The following WDR49 variants were observed in gnomAD, a reference collection of about 807,000 sequenced individuals.
WDR49 encodes the protein WD repeat domain 49.
Under a neutral mutation model 119.5 loss-of-function variants are expected in WDR49, and 107 were observed. The ratio of observed to expected loss-of-function variants is 0.90; its 90% confidence interval spans 0.77 to 1.05. WDR49 has a LOEUF of 1.05. WDR49 is among the 50% of genes least tolerant of loss of function. The pLI is 0.00. For synonymous variants in WDR49, 425 were observed against 418.8 expected (o/e 1.01, Z -0.18); for missense variants, 1,240 against 1,220.5 (o/e 1.02, Z -0.24).
At chr3:167,565,103 G>T (rs1342142008) in intron 8 of WDR49, among the ~76,000 whole-genome samples, 1 of 152,100 alleles carries the variant, frequency 6.6e-6, no homozygotes, top group East Asian at 1.9e-4. Context: ...ATAGGGAGGT[G>T]AAGAGAATGA....
chr3:167,601,900 A>G (rs1715788078), intron 7 of WDR49, among the ~76,000 whole-genome samples: 1 of 152,180 alleles, frequency 6.6e-6, no homozygotes, highest in Non-Finnish European at 1.5e-5. Context: ...CCCTGAGTAC[A>G]TGATTTGAAA....
At chr3:167,607,259 T>C (rs1716104573) in intron 5 of WDR49, among the ~76,000 whole-genome samples, 1 of 152,114 alleles carries the variant, frequency 6.6e-6, no homozygotes, top group African/African-American at 2.4e-5. Flanking sequence ...ATGACCTGGC[T>C]CAGGAAAGAA....
In WDR49 at chr3:167,488,145, A is replaced by AACACAC. The variant is rs57719248; in HGVS notation, c.3032-9155_3032-9150dup. ...GGATAAAGAAAATGTGATACACTCAAACACACACACACACACACACACACA... is the reference window on the plus strand; with the variant it reads ...GGATAAAGAAAATGTGATACACTCAAACACACACACACACACACACACACACACACA... On this transcript the variant is annotated intron_variant, in intron 18 of 18. Transcript: ENST00000682715. Among the ~76,000 whole-genome samples the AACACAC allele has an allele frequency of 2.5e-3, 339 of 136,274 alleles. 1 individual carries two copies. Among genetic ancestry groups the AACACAC allele is most frequent in the South Asian group, 0.016 (63 of 3,884 alleles). 89.4% of individuals were successfully genotyped at this position (136,274 alleles called of 152,430 possible). A position where few individuals can be genotyped will look rare whatever the true frequency, so the allele number is the denominator to read the frequency against.
chr3:167,585,058 T>C (rs1214397558), intron 7 of WDR49, among the ~76,000 whole-genome samples: 1 of 152,118 alleles, frequency 6.6e-6, no homozygotes, highest in Non-Finnish European at 1.5e-5. Flanking sequence ...TTTAAATATT[T>C]ATAATATTGA....
intron 9 of WDR49, among the ~76,000 whole-genome samples, chr3:167,559,774 A>G (rs567234070): frequency 6.6e-6 from 1 of 152,204 alleles, no homozygotes; most frequent in Admixed American, 6.5e-5. Context: ...GTATTCCCCA[A>G]AGTAGTCCCT....
At chr3:167,618,291 T>C (rs1449535563) in intron 5 of WDR49, among the ~76,000 whole-genome samples, 2 of 152,208 alleles carry the variant, frequency 1.3e-5, no homozygotes, top group African/African-American at 4.8e-5. Flanking sequence ...TAAGGTGACT[T>C]GTGTTAGTTT....
intron 2 of WDR49, among the ~76,000 whole-genome samples, chr3:167,636,706 C>T (rs1045041392): frequency 6.6e-6 from 1 of 151,764 alleles, no homozygotes; most frequent in African/African-American, 2.4e-5. Context: ...AAGGTGGTAT[C>T]ACATTGTGGT....
chr3:167,512,793 G>A (rs750542513), intron 16 of WDR49, among the ~76,000 whole-genome samples: 14 of 152,256 alleles, frequency 9.2e-5, no homozygotes, highest in Non-Finnish European at 1.9e-4. Context: ...AAAAACACAA[G>A]AGAACTTCAC....
chr3:167,551,591 C>T (rs1249681474), intron 10 of WDR49, among the ~76,000 whole-genome samples: 1 of 151,984 alleles, frequency 6.6e-6, no homozygotes. Context: ...GGCCTACTAA[C>T]TTTGTCACCT....
At chr3:167,622,215 C>T (rs754547912) in intron 3 of WDR49, among the ~76,000 whole-genome samples, 2 of 151,858 alleles carry the variant, frequency 1.3e-5, no homozygotes, top group Non-Finnish European at 2.9e-5. Context: ...GTGCAAACAA[C>T]TAAAGAAAAC....
chr3:167,524,545 C>T (rs1356196208), intron 15 of WDR49, among the ~76,000 whole-genome samples: 10 of 152,084 alleles, frequency 6.6e-5, no homozygotes, highest in Admixed American at 6.6e-4. Flanking sequence ...TTAGGTTTTA[C>T]ATTTAAGTCT....
intron 2 of WDR49, among the ~76,000 whole-genome samples, chr3:167,634,954 T>G (rs1349670007): frequency 1.3e-5 from 2 of 151,850 alleles, no homozygotes; most frequent in Non-Finnish European, 2.9e-5. Flanking sequence ...TCTATGTTGC[T>G]TTTTCCACTT....
intron 14 of WDR49, 59 bp downstream of exon 14, chr3:167,528,993 C>G: frequency 2.9e-6 from 4 of 1,385,730 alleles, no homozygotes; most frequent in Non-Finnish European, 3.8e-6. Context: ...TTCATAGTTA[C>G]CTGCAACAAA....
At chr3:167,518,689 GT>G (rs1287293115) in intron 16 of WDR49, among the ~76,000 whole-genome samples, 1 of 151,200 alleles carries the variant, frequency 6.6e-6, no homozygotes, top group Non-Finnish European at 1.5e-5. Context: ...TAGGTTGCCT[GT>G]TCACTCTGAT....
intron 7 of WDR49, among the ~76,000 whole-genome samples, chr3:167,590,077 T>C (rs1253947444): frequency 6.6e-6 from 1 of 152,108 alleles, no homozygotes; most frequent in African/African-American, 2.4e-5. Flanking sequence ...ATGTTTCTTC[T>C]ATATCAAAAC....
chr3:167,511,438 C>T (rs1323864923), intron 16 of WDR49, among the ~76,000 whole-genome samples: 1 of 152,178 alleles, frequency 6.6e-6, no homozygotes, highest in East Asian at 1.9e-4. Flanking sequence ...ATCTTATAAT[C>T]AACATGAGAA....
chr3:167,547,317 T>C (rs190364768), intron 10 of WDR49, among the ~76,000 whole-genome samples: 1 of 152,024 alleles, frequency 6.6e-6, no homozygotes, highest in Admixed American at 6.6e-5. Context: ...ATTGAGTTCC[T>C]ACTTTCTACA....
At chr3:167,587,413 G>C (rs1197848137) in intron 7 of WDR49, among the ~76,000 whole-genome samples, 1 of 152,146 alleles carries the variant, frequency 6.6e-6, no homozygotes, top group Non-Finnish European at 1.5e-5. Flanking sequence ...TATAACTATT[G>C]AATAAGCACT....
intron 2 of WDR49, among the ~76,000 whole-genome samples, chr3:167,636,640 T>G (rs1305434053): frequency 6.6e-6 from 1 of 151,786 alleles, no homozygotes; most frequent in Non-Finnish European, 1.5e-5. Context: ...TTTCACTACA[T>G]CCATGCCAAC....
Sources: gnomAD v4.1 joint callset for allele counts (sites outside exome capture counted in the v4.1 genomes callset) on GRCh38, gnomAD v4.1.1 for gene constraint, MANE v1.5 for transcripts, NCBI Gene and HGNC (gene_info 2026-07-23, HGNC 2026-07-21) for gene names.